ERCC6: variants seen among roughly 807,000 people sequenced by gnomAD.
The protein encoded by ERCC6 is DNA excision repair protein ERCC-6.
A neutral mutation model predicts 158.7 loss-of-function variants in ERCC6; 116 were observed. The ratio of observed to expected loss-of-function variants is 0.73; its 90% CI spans 0.63 to 0.85. ERCC6 has a LOEUF of 0.85. Ranked by LOEUF, ERCC6 falls within the 40% of genes least tolerant of loss-of-function variation. The pLI, the probability that ERCC6 is intolerant of heterozygous loss-of-function variation, is 0.00. For synonymous variants in ERCC6, 678 were observed against 659.3 expected (o/e 1.03, Z -0.43); for missense variants, 1,698 against 1,799.4 (o/e 0.94, Z 1.02).
chr10:49,455,016 C>T lies in ERCC6; in HGVS notation c.*3799G>A, dbSNP rs1283001277. 6.6e-6 allele frequency among the ~76,000 whole-genome samples: 1 copy of T among 151,942 alleles called. No homozygotes were observed. The highest frequency in any genetic ancestry group is 2.4e-5 in the African/African-American group (1 of 41,366). ...CATAAGAATGTATTCATGACCCTAG[C>T]TAGGGAATGGTTCTTAAATAAACAA... On this transcript the variant is annotated 3_prime_UTR_variant, in exon 21 of 21. Transcript: ENST00000355832.
intron 2 of ERCC6, 40 bp downstream of exon 2, chr10:49,532,503 T>G (rs753507224): frequency 4.3e-6 from 7 of 1,609,960 alleles, no homozygotes; most frequent in Non-Finnish European, 5.1e-6. Context: ...CTGTCATGTT[T>G]TACCACCACT....
chr10:49,532,531 G>C lies in ERCC6; in HGVS notation c.422+12C>G. 1 of 1,613,074 alleles carries C rather than the reference G, an allele frequency of 6.2e-7. No homozygotes were observed. On this transcript the variant is annotated intron_variant, in intron 2 of 20. Transcript: ENST00000355832. ...CCACCACTTTGAAAGGAAGAAGATG[G>C]GCTGCACTCACGTGAGGTCATCCAG...
chr10:49,526,235 G>T (rs554510677), intron 4 of ERCC6, among the ~76,000 whole-genome samples: 10 of 149,414 alleles, frequency 6.7e-5, no homozygotes, highest in South Asian at 6.4e-4. Flanking sequence ...CATCAACTGT[G>T]TCAGAAAGTT....
intron 4 of ERCC6, among the ~76,000 whole-genome samples, chr10:49,526,721 A>G (rs562789375): frequency 1.3e-5 from 2 of 152,300 alleles, no homozygotes; most frequent in Non-Finnish European, 2.9e-5. Context: ...ATGAATTTCA[A>G]CTAATGAAAG....
At chr10:49,463,252 T>G (rs1421440053) in intron 18 of ERCC6, among the ~76,000 whole-genome samples, 1 of 152,190 alleles carries the variant, frequency 6.6e-6, no homozygotes, top group African/African-American at 2.4e-5. Context: ...GTTTATCAAT[T>G]TTGTGCAGGA....
In ERCC6 at chr10:49,470,572, A is replaced by G. The variant is rs1779826505; in HGVS notation, c.3388T>C (p.Ser1130Pro). The change falls in exon 18 of 21, where the codon TCA (serine) becomes CCA (proline). Residue 1130 changes from serine (S) to proline (P), a missense_variant. By Grantham distance (74) the Ser-to-Pro change is moderately conservative. Coordinates refer to ENST00000355832, the MANE Select transcript of ERCC6 (RefSeq NM_000124.4). The stretch of plus-strand genomic sequence containing the variant: ...GTTTTGCCTGTTCCTGAAGAATTTG[A>G]ACATTCCCCATTTCCACTAATCACT... ...LSVISGNGEC[S>P]NSSGTGKTSM... 1 of 1,614,036 alleles carries G rather than the reference A, an allele frequency of 6.2e-7. No homozygotes were observed. Among genetic ancestry groups the G allele is most frequent in the African/African-American group, 1.3e-5 (1 of 74,934 alleles).
At chr10:49,508,296 T>C (rs1020096567) in intron 5 of ERCC6, among the ~76,000 whole-genome samples, 1 of 152,210 alleles carries the variant, frequency 6.6e-6, no homozygotes, top group African/African-American at 2.4e-5. Context: ...TTAAACTTTA[T>C]TGATATATGA....
rs146493285 is a variant in ERCC6, at chr10:49,470,318, G to T, written c.3642C>A (p.Asp1214Glu). The change falls in exon 18 of 21, where the codon GAC becomes GAA. Residue 1214 changes from aspartate to glutamate, a missense_variant. Physicochemically the swap from Asp to Glu is conservative, Grantham distance 45 (BLOSUM62 2). Coordinates refer to ENST00000355832, the MANE Select transcript of ERCC6 (RefSeq NM_000124.4). The part of the protein sequence containing the change: ...QKPKNSKHCR[D>E]AKFEGTRIPH... The stretch of plus-strand genomic sequence containing the variant: ...GAATTCGAGTTCCTTCAAACTTGGC[G>T]TCTCTGCAATGCTTAGAGTTCTTAG... 5 of 1,614,130 alleles carry T rather than the reference G, an allele frequency of 3.1e-6. No individual in the cohort carries two copies. Among genetic ancestry groups the T allele is most frequent in the Admixed American group, 1.7e-5 (1 of 60,012 alleles).
intron 18 of ERCC6, among the ~76,000 whole-genome samples, chr10:49,467,801 T>C (rs1396090099): frequency 6.6e-6 from 1 of 151,958 alleles, no homozygotes; most frequent in African/African-American, 2.4e-5. Context: ...ACTCCTAGGC[T>C]CAAGCAATCA....
chr10:49,514,950 T>C (rs1200462766), intron 5 of ERCC6, among the ~76,000 whole-genome samples: 1 of 152,178 alleles, frequency 6.6e-6, no homozygotes, highest in Admixed American at 6.5e-5. Flanking sequence ...TACCCTCAGT[T>C]AGGAGTGCAG....
downstream of ERCC6, among the ~76,000 whole-genome samples, chr10:49,453,321 C>G (rs34524594): frequency 6.6e-6 from 1 of 152,030 alleles, no homozygotes; most frequent in Non-Finnish European, 1.5e-5. Flanking sequence ...TATTCCCTTT[C>G]CCCCTTTTTG....
chr10:49,478,916 A>G (rs1306188338), intron 10 of ERCC6, among the ~76,000 whole-genome samples: 1 of 152,190 alleles, frequency 6.6e-6, no homozygotes, highest in African/African-American at 2.4e-5. Context: ...GAAGATCAAA[A>G]GCTAACTCTG....
Position 49,470,020 on chromosome 10 carries a change from G to A in ERCC6, c.3778+162C>T, listed in dbSNP as rs4240505. On this transcript the variant is annotated intron_variant, in intron 18 of 20. Transcript: ENST00000355832. The stretch of plus-strand genomic sequence containing the variant: ...GTCTTCAGAAAAGAGGTGTAAATAC[G>A]ATTTTTAAAATGTCAATATATTTCA... Among the ~76,000 whole-genome samples, 64,114 of 151,968 alleles carry A rather than the reference G, an allele frequency of 0.42. 14,459 individuals are homozygous for A. The highest frequency in any genetic ancestry group is 0.5 in the Non-Finnish European group (34,036 of 67,950).
chr10:49,516,733 C>T, intron 5 of ERCC6: 1 of 1,614,140 alleles, frequency 6.2e-7, no homozygotes. Flanking sequence ...GGTGCTGTAA[C>T]TCTACCTGCT....
At chr10:49,484,565 C>T (rs1430119553) in intron 8 of ERCC6, among the ~76,000 whole-genome samples, 1 of 152,034 alleles carries the variant, frequency 6.6e-6, no homozygotes, top group Non-Finnish European at 1.5e-5. Flanking sequence ...CAAAGCAAGA[C>T]CCTGTCTCTA....
intron 8 of ERCC6, among the ~76,000 whole-genome samples, chr10:49,483,864 CA>C (rs1851029417): frequency 6.6e-6 from 1 of 151,672 alleles, no homozygotes; most frequent in Non-Finnish European, 1.5e-5. Flanking sequence ...TAATTTAAAA[CA>C]AAAGCAAGAA....
chr10:49,512,106 T>A (rs1836831652), intron 5 of ERCC6, among the ~76,000 whole-genome samples: 1 of 152,162 alleles, frequency 6.6e-6, no homozygotes, highest in Admixed American at 6.5e-5. Flanking sequence ...AAATAACAAA[T>A]GTCAAAACAC....
downstream of ERCC6, among the ~76,000 whole-genome samples, chr10:49,454,312 G>A (rs530405215): frequency 2.6e-5 from 4 of 152,240 alleles, no homozygotes; most frequent in South Asian, 2.1e-4. Flanking sequence ...GAGGGGATAA[G>A]AAATGCTGGC....
At chr10:49,534,432 T>C (rs58366774) in intron 1 of ERCC6, among the ~76,000 whole-genome samples, 1,603 of 152,340 alleles carry the variant, frequency 0.011, 25 homozygotes, top group African/African-American at 0.037. Context: ...ACATTTTTAA[T>C]AGTTTAATGT....
Sources: gnomAD v4.1 joint callset for allele counts (sites outside exome capture counted in the v4.1 genomes callset) on GRCh38, gnomAD v4.1.1 for gene constraint, MANE v1.5 for transcripts, NCBI Gene and HGNC (gene_info 2026-07-23, HGNC 2026-07-21) for gene names.